The following SPRR2B variants were observed in gnomAD, a reference collection of about 807,000 sequenced individuals.
SPRR2B encodes the protein small proline rich protein 2B.
Under a neutral mutation model 1.0 loss-of-function variants are expected in SPRR2B, and 1 was observed. The observed-to-expected ratio is 1.01, with a 90% CI of 0.36 to 4.77. The LOEUF (loss-of-function observed/expected upper bound fraction) is 4.77. Among genes scored for constraint, SPRR2B ranks in the 30% most tolerant of loss-of-function variants. The pLI is 0.16. For synonymous variants in SPRR2B, 27 were observed against 33.4 expected (o/e 0.81, Z 0.66); for missense variants, 53 against 88.7 (o/e 0.60, Z 1.62).
chr1:153,070,343 T>G lies in SPRR2B; in HGVS notation c.*278A>C. The stretch of plus-strand genomic sequence containing the variant: ...ACACATCAACAGAATTCTCTGATGG[T>G]TCCCAGGCACACAGCTGCAGCTCTT... On this transcript the variant is annotated 3_prime_UTR_variant, in exon 2 of 2. Transcript: ENST00000368755. 1 of 581,200 alleles carries G rather than the reference T, an allele frequency of 1.7e-6. No individual in the cohort carries two copies. Among genetic ancestry groups the G allele is most frequent in the Non-Finnish European group, 2.9e-6 (1 of 340,150 alleles). 36.0% of individuals were successfully genotyped at this position (581,200 alleles called of 1,614,324 possible).
At chr1:153,081,396 A>G in the SPRR2B span, among the ~76,000 whole-genome samples, 1 of 152,256 alleles carries the variant, frequency 6.6e-6, no homozygotes, top group South Asian at 2.1e-4. Context: ...GTGGGATGAC[A>G]TACTTAAAGC....
chr1:153,086,779 C>A, the SPRR2B span, among the ~76,000 whole-genome samples: 121 of 152,288 alleles, frequency 7.9e-4, no homozygotes, highest in Middle Eastern at 3.4e-3. Flanking sequence ...AATATATATT[C>A]TTCTCATTGC....
At chr1:153,086,803 G>C in the SPRR2B span, among the ~76,000 whole-genome samples, 3 of 152,130 alleles carry the variant, frequency 2.0e-5, no homozygotes, top group Non-Finnish European at 4.4e-5. Flanking sequence ...ATGGCTCATA[G>C]TCTAAAATCC....
the SPRR2B span, among the ~76,000 whole-genome samples, chr1:153,080,816 C>T: frequency 7.9e-5 from 12 of 152,102 alleles, no homozygotes; most frequent in Admixed American, 5.9e-4. Context: ...TAAAATATCT[C>T]GACAAAAAAT....
chr1:153,079,865 T>C, the SPRR2B span, among the ~76,000 whole-genome samples: 3 of 152,100 alleles, frequency 2.0e-5, no homozygotes, highest in Admixed American at 6.6e-5. Context: ...TTTGGTTCCA[T>C]ATGAACTTTA....
the SPRR2B span, among the ~76,000 whole-genome samples, chr1:153,080,682 A>G: frequency 6.6e-6 from 1 of 152,224 alleles, no homozygotes; most frequent in African/African-American, 2.4e-5. Context: ...TGTAAGTTTG[A>G]GAAAGGTTAA....
chr1:153,076,116 G>A (rs1034777873), upstream of SPRR2B, among the ~76,000 whole-genome samples: 14 of 152,046 alleles, frequency 9.2e-5, no homozygotes, highest in African/African-American at 3.1e-4. Flanking sequence ...TTAGTCTACT[G>A]TTACTGTGGT....
the SPRR2B span, among the ~76,000 whole-genome samples, chr1:153,082,880 C>T: frequency 6.6e-6 from 1 of 152,082 alleles, no homozygotes; most frequent in Non-Finnish European, 1.5e-5. Context: ...AAAGGACAAG[C>T]AAACAGTAGA....
At chr1:153,071,347 A>G (rs539510478) in intron 1 of SPRR2B, among the ~76,000 whole-genome samples, 11 of 152,308 alleles carry the variant, frequency 7.2e-5, no homozygotes, top group South Asian at 2.1e-4. Context: ...TTTTCTTCCA[A>G]CCAAAGCTTT....
chr1:153,073,630 A>G (rs1654716746), upstream of SPRR2B, among the ~76,000 whole-genome samples: 1 of 151,944 alleles, frequency 6.6e-6, no homozygotes, highest in Non-Finnish European at 1.5e-5. Context: ...GAAGAGGAGC[A>G]GCTAACAGTC....
chr1:153,081,481 G>A, the SPRR2B span, among the ~76,000 whole-genome samples: 1 of 152,150 alleles, frequency 6.6e-6, no homozygotes, highest in East Asian at 1.9e-4. Flanking sequence ...CAAAATTATG[G>A]CATTTCCTGA....
chr1:153,083,042 T>C, the SPRR2B span, among the ~76,000 whole-genome samples: 1 of 152,102 alleles, frequency 6.6e-6, no homozygotes, highest in Admixed American at 6.5e-5. Context: ...TTTACAGAAA[T>C]AAAAAAATTT....
upstream of SPRR2B, among the ~76,000 whole-genome samples, chr1:153,075,217 C>A (rs1654749644): frequency 6.6e-6 from 1 of 152,002 alleles, no homozygotes; most frequent in Admixed American, 6.6e-5. Context: ...ATTGCAGGGG[C>A]CTGTAATCCC....
the SPRR2B span, among the ~76,000 whole-genome samples, chr1:153,079,505 A>G: frequency 6.6e-6 from 1 of 152,158 alleles, no homozygotes; most frequent in Non-Finnish European, 1.5e-5. Flanking sequence ...TAGGTCTAAC[A>G]TTTAAGTCTT....
At chr1:153,078,368 G>GTT in the SPRR2B span, among the ~76,000 whole-genome samples, 4 of 151,882 alleles carry the variant, frequency 2.6e-5, no homozygotes, top group East Asian at 1.9e-4. Flanking sequence ...CTTACTTTCT[G>GTT]TTTTTTTATT....
chr1:153,078,964 T>C, the SPRR2B span, among the ~76,000 whole-genome samples: 1 of 152,292 alleles, frequency 6.6e-6, no homozygotes, highest in South Asian at 2.1e-4. Flanking sequence ...GTTGAACTAG[T>C]TTACAGTCCC....
chr1:153,072,612 A>G (rs539681253), upstream of SPRR2B, among the ~76,000 whole-genome samples: 2 of 152,284 alleles, frequency 1.3e-5, no homozygotes, highest in South Asian at 4.2e-4. Context: ...GTGATCCTAT[A>G]TGTTTGCTTT....
the SPRR2B span, among the ~76,000 whole-genome samples, chr1:153,087,105 C>T: frequency 1.3e-5 from 2 of 151,708 alleles, no homozygotes; most frequent in Non-Finnish European, 2.9e-5. Context: ...ACAAAGAAAC[C>T]CCATCTCTAC....
the SPRR2B span, among the ~76,000 whole-genome samples, chr1:153,084,431 G>T: frequency 1.3e-5 from 2 of 152,056 alleles, no homozygotes; most frequent in Non-Finnish European, 2.9e-5. Flanking sequence ...AGTGAAACTA[G>T]GCACTGGAAA....
Sources: allele counts gnomAD v4.1 joint callset (sites outside exome capture counted in the v4.1 genomes callset), GRCh38; gene constraint gnomAD v4.1.1; transcripts MANE v1.5; gene names NCBI Gene and HGNC (gene_info 2026-07-23, HGNC 2026-07-21).